Variants in MORC3 observed in about 807,000 individuals in gnomAD.
MORC3 encodes the protein MORC family CW-type zinc finger protein 3.
Under a neutral mutation model 109.1 loss-of-function variants are expected in MORC3, and 31 were observed. That is an observed-to-expected ratio of 0.28 (90% confidence interval 0.21 to 0.38). MORC3 has a LOEUF of 0.38. MORC3 is among the 10% of genes least tolerant of loss of function. The probability of loss-of-function intolerance (pLI) is 1.00; values close to 1 mark genes in which losing one functional copy is unlikely to be tolerated. For synonymous variants in MORC3, 395 were observed against 380.7 expected, an observed-to-expected ratio of 1.04 and a Z score of -0.44; for missense variants, 867 against 1,135.8, an observed-to-expected ratio of 0.76 and a Z score of 3.40.
At chr21:36,349,750 G>GGT (rs1466774703) in intron 9 of MORC3, among the ~76,000 whole-genome samples, 2 of 152,234 alleles carry the variant, frequency 1.3e-5, no homozygotes, top group Non-Finnish European at 2.9e-5. Context: ...AATTTAAATA[G>GGT]GTAAATAGAG....
At chr21:36,360,483 G>A in intron 12 of MORC3, 1 of 569,740 alleles carries the variant, frequency 1.8e-6, no homozygotes, top group Non-Finnish European at 3.1e-6. Flanking sequence ...TTTTGTGTAA[G>A]AGCAGTCTGC....
intron 1 of MORC3, among the ~76,000 whole-genome samples, chr21:36,322,353 C>T (rs557012771): frequency 6.6e-6 from 1 of 151,154 alleles, no homozygotes; most frequent in East Asian, 1.9e-4. Flanking sequence ...AGGGTGAACC[C>T]TTAGTGTATA....
intron 6 of MORC3, among the ~76,000 whole-genome samples, chr21:36,344,118 G>A (rs1175460121): frequency 6.6e-6 from 1 of 151,798 alleles, no homozygotes; most frequent in African/African-American, 2.4e-5. Context: ...TTAAGTTTTA[G>A]TTTTGTGTTG....
intron 15 of MORC3, among the ~76,000 whole-genome samples, chr21:36,370,223 A>G (rs865824208): frequency 1.3e-5 from 2 of 152,230 alleles, no homozygotes; most frequent in East Asian, 1.9e-4. Context: ...AAAGCTGCCA[A>G]TTGCTTGATT....
intron 1 of MORC3, chr21:36,320,542 C>T (rs986581841): frequency 1.7e-5 from 6 of 349,948 alleles, no homozygotes; most frequent in Non-Finnish European, 3.0e-5. Flanking sequence ...GGGCCAGGGT[C>T]GCGGCTCCTC....
intron 1 of MORC3, among the ~76,000 whole-genome samples, chr21:36,330,102 TC>T (rs1238397697): frequency 6.6e-6 from 1 of 152,114 alleles, no homozygotes; most frequent in East Asian, 1.9e-4. Flanking sequence ...CCTTGGGTGA[TC>T]CACCAGCCTT....
At chr21:36,321,937 G>T (rs889044783) in intron 1 of MORC3, among the ~76,000 whole-genome samples, 1 of 152,214 alleles carries the variant, frequency 6.6e-6, no homozygotes, top group Admixed American at 6.5e-5. Context: ...ATTGTTAGCG[G>T]GCACTCTGGG....
At chr21:36,345,462 C>G (rs902416919) in intron 8 of MORC3, among the ~76,000 whole-genome samples, 3 of 151,688 alleles carry the variant, frequency 2.0e-5, no homozygotes, top group African/African-American at 4.8e-5. Flanking sequence ...TGCTCTGTCG[C>G]CCAGGCTGGA....
At position 36,352,959 on chromosome 21, in the gene MORC3, A is replaced by G. The variant is rs1304730981; in HGVS notation, c.1103+3551A>G. 1.7e-4 allele frequency among the ~76,000 whole-genome samples: 26 copies of G among 151,408 alleles called. No homozygotes were observed. In the Admixed American group the frequency reaches 1.7e-3, roughly 10 times the overall value. On this transcript the variant is annotated intron_variant, in intron 9 of 16. Transcript: ENST00000400485. ...GCTTTCCAGCCAGGGTGACAGAGCA[A>G]GACCTTTTCTCTAAAAAAAAAAAAA...
intron 10 of MORC3, among the ~76,000 whole-genome samples, chr21:36,359,556 CTTTTTTTTTT>C (rs5843757): frequency 3.2e-5 from 3 of 93,938 alleles, no homozygotes; most frequent in East Asian, 3.2e-4. Context: ...CTTTCCTCTC[CTTTTTTTTTT>C]TTTTTTTTTT....
rs761248326 is a variant in MORC3 at position 36,369,077 on chromosome 21, G to GTGA, written c.1722_1724dup (p.Asp574dup). 33 of 1,613,212 alleles carry GTGA rather than the reference G, an allele frequency of 2.0e-5. No individual in the cohort carries two copies. Among genetic ancestry groups the GTGA allele is most frequent in the East Asian group, 2.0e-4 (9 of 44,904 alleles). ...CAGTTTGAAAATTCAGTTTATAAAG[G>GTGA]TGATGATGATGATGAAGATGTCATC... is the stretch of plus-strand genomic sequence containing the variant. On this transcript the variant is annotated inframe_insertion, in exon 15 of 17. Transcript: ENST00000400485.
intron 9 of MORC3, among the ~76,000 whole-genome samples, chr21:36,353,765 T>TTTTTTTTTTTTTTTTA (rs1349219129): frequency 7.3e-6 from 1 of 136,118 alleles, no homozygotes; most frequent in African/African-American, 2.8e-5. Context: ...ATTTTTTTTT[T>TTTTTTTTTTTTTTTTA]TTTTTTTTTT....
intron 10 of MORC3, among the ~76,000 whole-genome samples, chr21:36,357,974 C>T (rs2085664968): frequency 6.6e-6 from 1 of 151,474 alleles, no homozygotes; most frequent in African/African-American, 2.4e-5. Context: ...CTCCTGACCT[C>T]AGGTGATCTG....
At chr21:36,349,493 C>G (rs1426280412) in intron 9 of MORC3, 85 bp downstream of exon 9, 3 of 808,974 alleles carry the variant, frequency 3.7e-6, no homozygotes, top group Non-Finnish European at 5.7e-6. Flanking sequence ...TTCTGTGAAT[C>G]TCAGAAATAC....
At chr21:36,350,181 T>A (rs1014658247) in intron 9 of MORC3, among the ~76,000 whole-genome samples, 1 of 151,988 alleles carries the variant, frequency 6.6e-6, no homozygotes, top group African/African-American at 2.4e-5. Context: ...GTGGCATGTG[T>A]CTGTGGTCCC....
At chr21:36,344,865 T>C (rs2085490612) in intron 7 of MORC3, 47 bp from the exon 8 acceptor site, 1 of 1,606,388 alleles carries the variant, frequency 6.2e-7, no homozygotes, top group East Asian at 2.2e-5. Flanking sequence ...AAGGATGATT[T>C]GAACTGAGTG....
intron 14 of MORC3, among the ~76,000 whole-genome samples, chr21:36,365,491 G>A (rs8133608): frequency 0.015 from 2,268 of 152,234 alleles, 54 homozygotes; most frequent in African/African-American, 0.052. Context: ...ATTCTCAAAG[G>A]AATTTTTGAC....
At chr21:36,354,657 C>G (rs1051839962) in intron 9 of MORC3, among the ~76,000 whole-genome samples, 13 of 152,216 alleles carry the variant, frequency 8.5e-5, no homozygotes, top group Non-Finnish European at 4.4e-5. Context: ...CTTACACTGT[C>G]TGCTTCAGTT....
intron 5 of MORC3, 30 bp downstream of exon 5, chr21:36,338,951 G>C (rs1358829792): frequency 1.2e-6 from 2 of 1,608,590 alleles, no homozygotes; most frequent in Admixed American, 3.3e-5. Flanking sequence ...TTGACCGTTT[G>C]GGAAGTAAAG....
Sources: allele counts gnomAD v4.1 joint callset (sites outside exome capture counted in the v4.1 genomes callset), GRCh38; gene constraint gnomAD v4.1.1; transcripts MANE v1.5; gene names NCBI Gene and HGNC (gene_info 2026-07-23, HGNC 2026-07-21).